ZMYM6: variants seen among roughly 807,000 people sequenced by gnomAD.
ZMYM6 encodes the protein zinc finger MYM-type protein 6.
In ZMYM6, 90 loss-of-function variants were observed where a neutral mutation model predicts 134.0. That is an observed-to-expected ratio of 0.67 (90% CI 0.57 to 0.80). The LOEUF is 0.80. Among genes scored for constraint, ZMYM6 ranks in the 30% least tolerant of loss-of-function variants. The pLI is 0.00. For synonymous variants in ZMYM6, 481 were observed against 524.1 expected (o/e 0.92, Z 1.12); for missense variants, 1,362 against 1,533.9 (o/e 0.89, Z 1.87).
chr1:34,993,740 G>A (rs941637144), intron 14 of ZMYM6, among the ~76,000 whole-genome samples: 1 of 151,754 alleles, frequency 6.6e-6, no homozygotes, highest in African/African-American at 2.4e-5. Flanking sequence ...CTGGAATGCA[G>A]TGGCATGATC....
In ZMYM6 at chr1:35,010,875, G is replaced by T. The variant is rs1641072548; in HGVS notation, c.1224C>A (p.Ser408Arg). Residue 408 changes from serine (S) to arginine (R), a missense_variant, in exon 9 of 16, where the codon AGC becomes AGA. This residue lies in a region of ZMYM6 where 503 missense variants were observed against 520.8 expected (regional missense o/e 0.97). Coordinates refer to ENST00000357182, the MANE Select transcript of ZMYM6 (RefSeq NM_007167.4). Reference protein sequence around the residue: ...PSSIRGSAAASLQPLAEQSQQ... With the variant: ...PSSIRGSAAARLQPLAEQSQQ... The stretch of plus-strand genomic sequence containing the variant: ...GGGATTGTTCAGCAAGAGGTTGGAG[G>T]CTGGCTGCAGCAGAGCCACGGATGG... 6.2e-7 allele frequency: 1 copy of T among 1,613,930 alleles called. No homozygotes were observed. The highest frequency in any genetic ancestry group is 1.1e-5 in the South Asian group (1 of 91,072).
At chr1:34,991,144 A>G (rs886859109) in intron 15 of ZMYM6, among the ~76,000 whole-genome samples, 1 of 152,120 alleles carries the variant, frequency 6.6e-6, no homozygotes, top group Non-Finnish European at 1.5e-5. Context: ...GATTATAGGC[A>G]TGAGCCACCA....
At chr1:35,029,064 C>T (rs1228094784) in intron 2 of ZMYM6, among the ~76,000 whole-genome samples, 5 of 151,914 alleles carry the variant, frequency 3.3e-5, no homozygotes, top group Admixed American at 1.3e-4. Context: ...TGGTGGCAGG[C>T]GCCTATAATC....
chr1:35,019,682 T>C (rs976902033), intron 3 of ZMYM6, 80 bp from the exon 4 acceptor site: 6 of 1,450,824 alleles, frequency 4.1e-6, no homozygotes, highest in Non-Finnish European at 5.5e-6. Context: ...CTCTCTCTTT[T>C]TTCTTTTTCT....
intron 11 of ZMYM6, among the ~76,000 whole-genome samples, chr1:35,007,329 G>A (rs1232617660): frequency 3.9e-5 from 6 of 152,160 alleles, no homozygotes; most frequent in African/African-American, 1.2e-4. Context: ...GTGGGATCAC[G>A]CCTGTAATCC....
chr1:35,016,622 G>A (rs1641192507), intron 4 of ZMYM6, among the ~76,000 whole-genome samples: 1 of 152,174 alleles, frequency 6.6e-6, no homozygotes, highest in South Asian at 2.1e-4. Context: ...TAAGTGTGTT[G>A]AGTAATTACT....
chr1:35,011,450 T>C (rs563326293), intron 8 of ZMYM6, among the ~76,000 whole-genome samples: 6 of 152,318 alleles, frequency 3.9e-5, no homozygotes, highest in Middle Eastern at 3.4e-3. Flanking sequence ...AACTCTACTC[T>C]TTGTGTATGT....
At chr1:35,028,460 A>T (rs1162303736) in intron 2 of ZMYM6, among the ~76,000 whole-genome samples, 2 of 152,030 alleles carry the variant, frequency 1.3e-5, no homozygotes, top group Non-Finnish European at 2.9e-5. Flanking sequence ...CCAGAAGAAA[A>T]ATTCCTTGCC....
At chr1:35,008,502 G>A (rs1641026800) in intron 11 of ZMYM6, among the ~76,000 whole-genome samples, 1 of 152,096 alleles carries the variant, frequency 6.6e-6, no homozygotes, top group African/African-American at 2.4e-5. Context: ...TCAAATAAGG[G>A]CAAAGTGCCT....
At chr1:34,991,459 A>C (rs1040627130) in intron 15 of ZMYM6, among the ~76,000 whole-genome samples, 11 of 152,094 alleles carry the variant, frequency 7.2e-5, no homozygotes, top group African/African-American at 2.7e-4. Flanking sequence ...TATTCTATGA[A>C]GTAAAATTAT....
intron 2 of ZMYM6, 88 bp from the exon 3 acceptor site, chr1:35,020,555 T>C: frequency 1.1e-5 from 6 of 553,120 alleles, no homozygotes; most frequent in Non-Finnish European, 1.7e-5. Context: ...AATTATTCTA[T>C]CCTATTCATC....
chr1:35,003,815 C>A, intron 14 of ZMYM6, 153 bp downstream of exon 14: 1 of 641,320 alleles, frequency 1.6e-6, no homozygotes, highest in South Asian at 1.8e-5. Flanking sequence ...CTATGCCAGT[C>A]ACTTTACTGT....
chr1:34,987,533 G>A lies in ZMYM6; in HGVS notation c.3549C>T (p.Ile1183=), dbSNP rs1402860388. 1 of 1,613,660 alleles carries A rather than the reference G, an allele frequency of 6.2e-7. No individual in the cohort carries two copies. Among genetic ancestry groups the A allele is most frequent in the Non-Finnish European group, 8.5e-7 (1 of 1,179,822 alleles). The change falls in exon 16 of 16, where the codon ATC becomes ATT. Residue 1183 remains isoleucine (I), a synonymous_variant. Coordinates refer to ENST00000357182, the MANE Select transcript of ZMYM6 (RefSeq NM_007167.4). ...CCAGGTGCTCAAAAATAATCCTTGT[G>A]ATGTCTGTCATATTTAAGCCTGATG... ...SNSSGLNMTD[I]TRIIFEHLEG... is the part of the protein sequence containing the mutation.
At chr1:35,019,668 C>T in intron 3 of ZMYM6, 66 bp from the exon 4 acceptor site, 1 of 1,475,286 alleles carries the variant, frequency 6.8e-7, no homozygotes, top group Non-Finnish European at 9.0e-7. Flanking sequence ...CAGTCTCTCT[C>T]TCTCTCTCTC....
intron 2 of ZMYM6, among the ~76,000 whole-genome samples, chr1:35,022,498 A>C (rs920460024): frequency 3.9e-5 from 6 of 152,120 alleles, no homozygotes; most frequent in African/African-American, 1.4e-4. Context: ...TCCTGACCTC[A>C]GGTGACCCAC....
intron 11 of ZMYM6, among the ~76,000 whole-genome samples, chr1:35,007,827 G>C (rs889235178): frequency 1.3e-5 from 2 of 151,936 alleles, no homozygotes; most frequent in African/African-American, 4.8e-5. Flanking sequence ...CTGGGGGATG[G>C]GGGGTGGGCA....
intron 13 of ZMYM6, 93 bp downstream of exon 13, chr1:35,005,039 C>T: frequency 2.0e-6 from 3 of 1,463,800 alleles, no homozygotes; most frequent in Non-Finnish European, 2.8e-6. Context: ...GCCTGGGCAA[C>T]AAGAGTGAAA....
At chr1:35,004,377 T>C (rs1357752005) in intron 13 of ZMYM6, among the ~76,000 whole-genome samples, 5 of 152,136 alleles carry the variant, frequency 3.3e-5, no homozygotes, top group African/African-American at 7.2e-5. Context: ...TCCCAGCACT[T>C]TGGGAGGCCA....
chr1:35,024,934 T>A (rs1641380571), intron 2 of ZMYM6, among the ~76,000 whole-genome samples: 1 of 151,938 alleles, frequency 6.6e-6, no homozygotes, highest in African/African-American at 2.4e-5. Context: ...AGTGGAGCAA[T>A]CTCTGTTCAC....
Sources: allele counts gnomAD v4.1 joint callset (sites outside exome capture counted in the v4.1 genomes callset), GRCh38; gene constraint gnomAD v4.1.1; regional missense constraint gnomAD v4.1.1; transcripts MANE v1.5; gene names NCBI Gene and HGNC (gene_info 2026-07-23, HGNC 2026-07-21).